Variants in KLF15 observed in about 807,000 individuals in gnomAD.
KLF15 encodes KLF transcription factor 15.
KLF15 carries 4 observed loss-of-function variants against 24.6 expected under a neutral mutation model. The observed-to-expected ratio is 0.16, with a 90% CI of 0.08 to 0.37. The LOEUF (loss-of-function observed/expected upper bound fraction) is 0.37. Ranked by LOEUF, KLF15 falls within the 10% of genes least tolerant of loss-of-function variation. The probability of loss-of-function intolerance (pLI) is 1.00; values close to 1 mark genes in which losing one functional copy is unlikely to be tolerated. For missense variants in KLF15, 496 were observed against 560.6 expected, an observed-to-expected ratio of 0.88 and a Z score of 1.16; for synonymous variants, 246 against 236.3, an observed-to-expected ratio of 1.04 and a Z score of -0.37.
At chr3:126,348,986 G>T (rs1267549317) in intron 2 of KLF15, among the ~76,000 whole-genome samples, 1 of 152,072 alleles carries the variant, frequency 6.6e-6, no homozygotes, top group Non-Finnish European at 1.5e-5. Flanking sequence ...CAGTAAATAC[G>T]CCATCTCACC....
At chr3:126,334,592 T>G in the KLF15 span, among the ~76,000 whole-genome samples, 1 of 10,602 alleles carries the variant, frequency 9.4e-5, no homozygotes, top group Non-Finnish European at 2.1e-4. Context: ...CTGAAGGAAA[T>G]AGAGACACAA....
At chr3:126,335,385 A>G in the KLF15 span, among the ~76,000 whole-genome samples, 3 of 138,594 alleles carry the variant, frequency 2.2e-5, no homozygotes, top group Admixed American at 1.5e-4. Flanking sequence ...CCTTCATGCT[A>G]AAAACTCTCA....
chr3:126,343,623 A>G lies in KLF15; in HGVS notation c.*104T>C. On this transcript the variant is annotated 3_prime_UTR_variant, in exon 3 of 3. Transcript: ENST00000296233. Reference sequence around the variant, plus strand: ...CCCAGGCTTCAGAAGGTGGGCTGGTAACATTGCCATGTCCCTCTGGAGGAG... The same window carrying G: ...CCCAGGCTTCAGAAGGTGGGCTGGTGACATTGCCATGTCCCTCTGGAGGAG... 8.6e-7 allele frequency: 1 copy of G among 1,168,646 alleles called. No individual in the cohort carries two copies. The allele number at this position is 1,168,646 out of a possible 1,614,324, so 72.4% of individuals were successfully genotyped here.
In KLF15 at chr3:126,343,461, G is replaced by GGAAGGCACGAAGGCAC. The variant is rs70940816; in HGVS notation, c.*250_*265dup. 4.9e-5 allele frequency: 21 copies of GGAAGGCACGAAGGCAC among 426,196 alleles called. No individual in the cohort carries two copies. The highest frequency in any genetic ancestry group is 6.0e-4 in the Middle Eastern group (1 of 1,666). The allele number at this position is 426,196 out of a possible 1,614,324, so 26.4% of individuals were successfully genotyped here. The stretch of plus-strand genomic sequence containing the variant: ...CTGCAGCAGAGGCCTGGCCACCGCG[G>GGAAGGCACGAAGGCAC]GAAGGCACGAAGGCACGAAGGCACG... On this transcript the variant is annotated 3_prime_UTR_variant, in exon 3 of 3. Transcript: ENST00000296233.
the KLF15 span, among the ~76,000 whole-genome samples, chr3:126,297,065 C>A: frequency 6.6e-6 from 1 of 152,132 alleles, no homozygotes; most frequent in Non-Finnish European, 1.5e-5. Context: ...TGTGTCACTG[C>A]GCCTTAGTAA....
At chr3:126,331,474 A>C in the KLF15 span, among the ~76,000 whole-genome samples, 3 of 152,240 alleles carry the variant, frequency 2.0e-5, no homozygotes, top group African/African-American at 7.2e-5. Context: ...GAACCCTGAG[A>C]AGATGCAACT....
the KLF15 span, among the ~76,000 whole-genome samples, chr3:126,304,713 T>C: frequency 6.6e-6 from 1 of 152,208 alleles, no homozygotes; most frequent in Non-Finnish European, 1.5e-5. Flanking sequence ...TTTGCCCAGG[T>C]TTGTTATTGC....
the KLF15 span, among the ~76,000 whole-genome samples, chr3:126,308,871 G>A: frequency 0.032 from 4,851 of 152,308 alleles, 116 homozygotes; most frequent in Non-Finnish European, 0.047. Context: ...AGGACAGCTC[G>A]GCAGGGAGGC....
chr3:126,331,920 A>G, the KLF15 span, among the ~76,000 whole-genome samples: 1 of 152,184 alleles, frequency 6.6e-6, no homozygotes. Context: ...GGAGGGTCCT[A>G]CGCCCACGGA....
the KLF15 span, among the ~76,000 whole-genome samples, chr3:126,290,486 TCCTTCCTTTCTTCCTTCCTA>T: frequency 1.3e-5 from 2 of 150,080 alleles, no homozygotes; most frequent in African/African-American, 5.0e-5. Flanking sequence ...GCCCCTTCCT[TCCTTCCTTTCTTCCTTCCTA>T]CCTTCCTTCC....
At chr3:126,316,536 T>TGGGCCGGAGGAGGGGAGGGAGTACAC in the KLF15 span, among the ~76,000 whole-genome samples, 3 of 112,288 alleles carry the variant, frequency 2.7e-5, no homozygotes, top group South Asian at 3.2e-4. Context: ...AGGGAGTACA[T>TGGGCCGGAGGAGGGGAGGGAGTACAC]GGGCCGGAGT....
chr3:126,308,702 T>C, the KLF15 span, among the ~76,000 whole-genome samples: 1 of 152,148 alleles, frequency 6.6e-6, no homozygotes, highest in East Asian at 1.9e-4. Context: ...GACTCCTACG[T>C]GGAAAGAAGT....
the KLF15 span, among the ~76,000 whole-genome samples, chr3:126,313,584 G>A: frequency 6.6e-6 from 1 of 152,166 alleles, no homozygotes; most frequent in Non-Finnish European, 1.5e-5. Context: ...CCCAAGCAAT[G>A]TCTGGGAATA....
At chr3:126,320,841 A>G in the KLF15 span, among the ~76,000 whole-genome samples, 1 of 151,570 alleles carries the variant, frequency 6.6e-6, no homozygotes, top group Non-Finnish European at 1.5e-5. Flanking sequence ...ATCAAACTAC[A>G]CTTCAGGCTG....
chr3:126,298,392 A>G, the KLF15 span, among the ~76,000 whole-genome samples: 1 of 148,864 alleles, frequency 6.7e-6, no homozygotes, highest in South Asian at 2.1e-4. Context: ...ATTTTCTCCC[A>G]CTTTGCGGGT....
chr3:126,304,052 G>T, the KLF15 span, among the ~76,000 whole-genome samples: 2 of 151,984 alleles, frequency 1.3e-5, no homozygotes, highest in Non-Finnish European at 2.9e-5. Flanking sequence ...GTTCTGATTT[G>T]CTTTTGATTG....
chr3:126,302,790 A>G, the KLF15 span, among the ~76,000 whole-genome samples: 13 of 152,184 alleles, frequency 8.5e-5, no homozygotes, highest in African/African-American at 2.6e-4. Context: ...TTGTGACTTT[A>G]TTTTTGAAAT....
At chr3:126,341,712 T>A (rs577921839), downstream of KLF15, among the ~76,000 whole-genome samples, 1 of 152,250 alleles carries the variant, frequency 6.6e-6, no homozygotes, top group African/African-American at 2.4e-5. Context: ...CATTCAGACA[T>A]CTCTCTGCTG....
At chr3:126,294,864 TACACACACAC>T in the KLF15 span, among the ~76,000 whole-genome samples, 26,042 of 141,890 alleles carry the variant, frequency 0.18, 2,561 homozygotes, top group East Asian at 0.31. Context: ...TGCCCCTCCA[TACACACACAC>T]ACACACACAC....
Sources: allele counts gnomAD v4.1 joint callset (sites outside exome capture counted in the v4.1 genomes callset), GRCh38; gene constraint gnomAD v4.1.1; transcripts MANE v1.5; gene names NCBI Gene and HGNC (gene_info 2026-07-23, HGNC 2026-07-21).